The following KCNN2 variants were observed in gnomAD, a reference collection of about 807,000 sequenced individuals.
The protein encoded by KCNN2 is potassium calcium-activated channel subfamily N member 2.
KCNN2 carries 24 observed loss-of-function variants against 55.5 expected under a neutral mutation model. That is an observed-to-expected ratio of 0.43 (90% CI 0.31 to 0.61). The LOEUF (loss-of-function observed/expected upper bound fraction) is 0.61. KCNN2 is among the 20% of genes least tolerant of loss of function. The probability of loss-of-function intolerance (pLI) is 0.08; values close to 1 mark genes in which losing one functional copy is unlikely to be tolerated. For missense variants in KCNN2, 754 were observed against 853.6 expected (o/e 0.88, Z 1.45); for synonymous variants, 431 against 336.1 (o/e 1.28, Z -3.09).
intron 1 of KCNN2, among the ~76,000 whole-genome samples, chr5:114,062,649 C>CA (rs1250137426): frequency 6.6e-6 from 1 of 152,098 alleles, no homozygotes; most frequent in Non-Finnish European, 1.5e-5. Context: ...TCTGAATTAG[C>CA]AAAAAGTCTC....
intron 3 of KCNN2, among the ~76,000 whole-genome samples, chr5:114,420,777 C>T (rs1759449926): frequency 6.6e-6 from 1 of 152,118 alleles, no homozygotes; most frequent in African/African-American, 2.4e-5. Context: ...ATAAGAATTC[C>T]ATATTATGTT....
upstream of KCNN2, among the ~76,000 whole-genome samples, chr5:114,358,271 A>C (rs902794643): frequency 6.6e-6 from 1 of 152,034 alleles, no homozygotes; most frequent in African/African-American, 2.4e-5. Context: ...CAAGAAAAAA[A>C]CAAACAACCC....
At chr5:114,108,316 CAT>C (rs1246746411) in intron 1 of KCNN2, among the ~76,000 whole-genome samples, 1 of 151,972 alleles carries the variant, frequency 6.6e-6, no homozygotes, top group African/African-American at 2.4e-5. Context: ...AAATGGAAGA[CAT>C]TGTTAATTTT....
intron 2 of KCNN2, among the ~76,000 whole-genome samples, chr5:114,395,388 T>G (rs1252239478): frequency 6.6e-6 from 1 of 152,190 alleles, no homozygotes; most frequent in African/African-American, 2.4e-5. Flanking sequence ...TACAAGTTAC[T>G]TTAGACCTCT....
At chr5:114,202,180 G>T (rs1298027856) in intron 1 of KCNN2, among the ~76,000 whole-genome samples, 3 of 152,044 alleles carry the variant, frequency 2.0e-5, no homozygotes, top group Non-Finnish European at 4.4e-5. Flanking sequence ...CTGCTCCAGG[G>T]TTGGATGCCT....
intron 7 of KCNN2, among the ~76,000 whole-genome samples, chr5:114,495,518 C>T (rs1468707281): frequency 1.3e-5 from 2 of 152,134 alleles, no homozygotes; most frequent in Non-Finnish European, 2.9e-5. Flanking sequence ...AAAAATTACC[C>T]TTGCCCTAAT....
At chr5:114,371,450 A>C (rs578245066) in intron 2 of KCNN2, among the ~76,000 whole-genome samples, 1 of 152,230 alleles carries the variant, frequency 6.6e-6, no homozygotes, top group African/African-American at 2.4e-5. Flanking sequence ...CCTGAGGTGA[A>C]GGAGTCTAAG....
intron 1 of KCNN2, among the ~76,000 whole-genome samples, chr5:114,159,989 G>A (rs912506185): frequency 2.0e-5 from 3 of 152,056 alleles, no homozygotes; most frequent in South Asian, 2.1e-4. Context: ...GGGGTTTTTT[G>A]TGTCTCTGTT....
In KCNN2 at chr5:114,376,842, G is replaced by A. The variant is rs1273426017; in HGVS notation, c.1218+12841G>A. 2.0e-5 allele frequency among the ~76,000 whole-genome samples: 3 copies of A among 152,226 alleles called. No individual in the cohort carries two copies. In the South Asian group the frequency reaches 6.2e-4, roughly 32 times the overall value. ...TTATACCTGTAATCTCAATGCTTTG[G>A]GAGGCTGAGGAGAGAGGATTGCTTG... On this transcript the variant is annotated intron_variant, in intron 2 of 7. Coordinates refer to ENST00000673685, the MANE Select transcript of KCNN2 (RefSeq NM_021614.4).
intron 2 of KCNN2, among the ~76,000 whole-genome samples, chr5:114,262,075 A>C (rs536250567): frequency 6.6e-6 from 1 of 152,266 alleles, no homozygotes; most frequent in Admixed American, 6.5e-5. Context: ...ATATACCCCA[A>C]ACCTAAAGAG....
intron 2 of KCNN2, among the ~76,000 whole-genome samples, chr5:114,302,782 T>G (rs1264459981): frequency 6.6e-6 from 1 of 152,112 alleles, no homozygotes; most frequent in African/African-American, 2.4e-5. Context: ...AGAACAAGGT[T>G]TCTCTGAAGT....
chr5:114,215,072 C>G (rs1580626560), intron 1 of KCNN2, among the ~76,000 whole-genome samples: 1 of 152,136 alleles, frequency 6.6e-6, no homozygotes, highest in Middle Eastern at 3.4e-3. Flanking sequence ...GATTTGGTGA[C>G]AAGAATGTTT....
chr5:114,375,140 TG>T (rs1257665547), intron 2 of KCNN2, among the ~76,000 whole-genome samples: 1 of 152,156 alleles, frequency 6.6e-6, no homozygotes, highest in East Asian at 1.9e-4. Context: ...AAAAATTGCA[TG>T]GGTGCTATTT....
At chr5:114,303,584 T>C (rs1250897784) in intron 2 of KCNN2, among the ~76,000 whole-genome samples, 2 of 152,300 alleles carry the variant, frequency 1.3e-5, no homozygotes, top group East Asian at 3.9e-4. Flanking sequence ...AGAATGACAG[T>C]ACATTATTTG....
At chr5:114,338,277 C>T (rs1210444757) in intron 2 of KCNN2, among the ~76,000 whole-genome samples, 1 of 152,106 alleles carries the variant, frequency 6.6e-6, no homozygotes, top group Admixed American at 6.6e-5. Context: ...GTAATAAGCA[C>T]AGGGAGGTGA....
intron 3 of KCNN2, among the ~76,000 whole-genome samples, chr5:114,451,283 A>T (rs1385383063): frequency 6.6e-6 from 1 of 152,216 alleles, no homozygotes; most frequent in Non-Finnish European, 1.5e-5. Flanking sequence ...ACTTTATTTT[A>T]AAGTAAGCTT....
rs1554070913 is a variant in KCNN2, at chr5:114,139,467, CA to C, written c.-270-82012del. On this transcript the variant is annotated intron_variant, in intron 1 of 10. Transcript: ENST00000512097. ...CACACACTCACACAACCACCCCCCC[CA>C]CACACACACACCAGAAAGGAAAATA... Among the ~76,000 whole-genome samples, 786 of 146,202 alleles carry C rather than the reference CA, an allele frequency of 5.4e-3. 4 individuals are homozygous for C. Among genetic ancestry groups the C allele is most frequent in the African/African-American group, 0.014 (577 of 40,422 alleles).
chr5:114,363,976 T>C lies in KCNN2; in HGVS notation c.1193T>C (p.Ile398Thr). 1 of 1,614,034 alleles carries C rather than the reference T, an allele frequency of 6.2e-7. No homozygotes were observed. Among genetic ancestry groups the C allele is most frequent in the South Asian group, 1.1e-5 (1 of 91,088 alleles). The change falls in exon 2 of 8, where the codon ATC (isoleucine) becomes ACC (threonine). Residue 398 changes from isoleucine (I) to threonine (T), a missense_variant. Physicochemically the swap from Ile to Thr is moderately conservative, Grantham distance 89 (BLOSUM62 -1). Transcript: ENST00000673685. ...ACGATCATCCTGCTCGGTCTGATCA[T>C]CGTGTACCACGCCAGGGAAATACAG... Reference protein sequence around the residue: ...LSTIILLGLIIVYHAREIQLF... With the variant: ...LSTIILLGLITVYHAREIQLF...
intron 1 of KCNN2, among the ~76,000 whole-genome samples, chr5:114,215,171 A>G (rs963638611): frequency 5.9e-5 from 9 of 152,156 alleles, no homozygotes; most frequent in Non-Finnish European, 1.3e-4. Flanking sequence ...TTTGTATTGT[A>G]TAGGAAGCCA....
Sources: allele counts gnomAD v4.1 joint callset (sites outside exome capture counted in the v4.1 genomes callset), GRCh38; gene constraint gnomAD v4.1.1; transcripts MANE v1.5; gene names NCBI Gene and HGNC (gene_info 2026-07-23, HGNC 2026-07-21).